The following TMEM116 variants were observed in gnomAD, a reference collection of about 807,000 sequenced individuals.
The protein encoded by TMEM116 is transmembrane protein 116.
Under a neutral mutation model 44.3 loss-of-function variants are expected in TMEM116, and 38 were observed. That is an observed-to-expected ratio of 0.86 (90% CI 0.66 to 1.12). The LOEUF (loss-of-function observed/expected upper bound fraction) is 1.12. Among genes scored for constraint, TMEM116 ranks in the 50% most tolerant of loss-of-function variants. TMEM116 has a pLI of 0.00. For synonymous variants in TMEM116, 132 were observed against 144.8 expected (o/e 0.91, Z 0.64); for missense variants, 354 against 401.7 (o/e 0.88, Z 1.01).
chr12:111,933,190 G>A (rs1388722167), intron 9 of TMEM116, among the ~76,000 whole-genome samples: 1 of 149,904 alleles, frequency 6.7e-6, no homozygotes, highest in Non-Finnish European at 1.5e-5. Flanking sequence ...GTAGTGAGCT[G>A]AGATTGCACC....
chr12:111,994,386 G>A (rs2076810457), intron 3 of TMEM116, among the ~76,000 whole-genome samples: 1 of 152,218 alleles, frequency 6.6e-6, no homozygotes. Context: ...TTCCCAGGTG[G>A]ATCGGCAGGT....
chr12:111,981,766 G>A (rs1468624506), intron 4 of TMEM116, among the ~76,000 whole-genome samples: 4 of 152,122 alleles, frequency 2.6e-5, no homozygotes, highest in Non-Finnish European at 4.4e-5. Context: ...TAATAGCCAA[G>A]ATATGCAATC....
At position 111,970,093 on chromosome 12, in the gene TMEM116, C is replaced by T. The variant is rs2075241066; in HGVS notation, c.210+21665G>A. The stretch of plus-strand genomic sequence containing the variant: ...ACCAGCCTGGCCAACATGGTGAAAC[C>T]CCATCTCTATAAAAATAGAAAAATT... On this transcript the variant is annotated intron_variant, in intron 4 of 10. Transcript: ENST00000552374. 3.3e-5 allele frequency among the ~76,000 whole-genome samples: 5 copies of T among 151,430 alleles called. 1 individual carries two copies. The South Asian group carries it at 1.0e-3, about 32-fold the overall frequency.
intron 4 of TMEM116, among the ~76,000 whole-genome samples, chr12:111,963,142 A>G (rs1405078630): frequency 1.3e-5 from 2 of 152,254 alleles, no homozygotes; most frequent in Admixed American, 6.5e-5. Flanking sequence ...AATGGGGATC[A>G]TTAAAAAGTC....
At chr12:111,937,378 A>T in intron 6 of TMEM116, 135 bp from the exon 7 acceptor site, 1 of 696,308 alleles carries the variant, frequency 1.4e-6, no homozygotes, top group South Asian at 1.8e-5. Context: ...AATTTCTTCA[A>T]GAAAAATACC....
intron 3 of TMEM116, among the ~76,000 whole-genome samples, chr12:112,002,723 G>A (rs182563079): frequency 6.6e-6 from 1 of 152,310 alleles, no homozygotes; most frequent in Admixed American, 6.5e-5. Flanking sequence ...GGACCAATGA[G>A]ATAAAGTATG....
intron 5 of TMEM116, among the ~76,000 whole-genome samples, chr12:111,940,476 T>TACACACACACAC (rs1276384412): frequency 2.0e-5 from 2 of 98,800 alleles, no homozygotes; most frequent in African/African-American, 9.5e-5. Flanking sequence ...TATATATATA[T>TACACACACACAC]ACATACACAC....
In TMEM116 at chr12:112,003,872, T is replaced by C. The variant is rs368801955; in HGVS notation, c.15-9A>G. On this transcript the variant is annotated splice_polypyrimidine_tract_variant and intron_variant, in intron 2 of 10. Coordinates refer to ENST00000552374, the MANE Select transcript of TMEM116 (RefSeq NM_001193531.2). ...AACTTGAACCTATAACACTGAGAAATTTAGAAGATGATTGATCATTAAAGC... is the reference window on the plus strand; with the variant it reads ...AACTTGAACCTATAACACTGAGAAACTTAGAAGATGATTGATCATTAAAGC... 10 of 1,493,402 alleles carry C rather than the reference T, an allele frequency of 6.7e-6. No homozygotes were observed. The African/African-American group carries it at 1.4e-4, about 21-fold the overall frequency. 92.5% of individuals were successfully genotyped at this position (1,493,402 alleles called of 1,614,324 possible).
At chr12:111,934,067 G>C in intron 8 of TMEM116, 37 bp from the exon 9 acceptor site, 1 of 1,609,342 alleles carries the variant, frequency 6.2e-7, no homozygotes, top group Non-Finnish European at 8.5e-7. Flanking sequence ...TTTGCTTAAA[G>C]CTTAGTAAAA....
intron 3 of TMEM116, among the ~76,000 whole-genome samples, chr12:111,992,305 T>C (rs2076660226): frequency 6.6e-6 from 1 of 151,640 alleles, no homozygotes; most frequent in Non-Finnish European, 1.5e-5. Flanking sequence ...AGTTTCGCTC[T>C]GTCGCCCAGG....
chr12:111,944,709 A>G (rs1237099713), intron 4 of TMEM116, among the ~76,000 whole-genome samples: 1 of 152,180 alleles, frequency 6.6e-6, no homozygotes, highest in African/African-American at 2.4e-5. Flanking sequence ...TGTATATGGA[A>G]GAGAAAACCA....
At chr12:111,952,047 G>A (rs1347401071) in intron 4 of TMEM116, among the ~76,000 whole-genome samples, 1 of 151,950 alleles carries the variant, frequency 6.6e-6, no homozygotes, top group Non-Finnish European at 1.5e-5. Context: ...TGGCCAACAT[G>A]GTGAAACCCC....
intron 4 of TMEM116, among the ~76,000 whole-genome samples, chr12:111,984,950 C>T (rs1051604992): frequency 4.0e-5 from 6 of 151,536 alleles, no homozygotes; most frequent in Admixed American, 1.3e-4. Flanking sequence ...AACGAAAAAG[C>T]AAAAACAAAA....
chr12:111,940,619 T>C (rs2072736501), intron 5 of TMEM116, among the ~76,000 whole-genome samples: 1 of 144,764 alleles, frequency 6.9e-6, no homozygotes, highest in Non-Finnish European at 1.5e-5. Context: ...AAACCAGTGA[T>C]AGAGTATGGG....
intron 4 of TMEM116, among the ~76,000 whole-genome samples, chr12:111,957,586 C>A (rs866118161): frequency 1.1e-4 from 17 of 151,040 alleles, no homozygotes; most frequent in Middle Eastern, 3.3e-3. Context: ...TGGGGGCCAG[C>A]CCCCGCCCGG....
intron 3 of TMEM116, among the ~76,000 whole-genome samples, chr12:112,002,781 A>C (rs1230826853): frequency 1.3e-5 from 2 of 152,198 alleles, no homozygotes; most frequent in Admixed American, 6.5e-5. Context: ...AACATACAGA[A>C]GTTATTTTTA....
chr12:111,975,834 C>T (rs2075637091), intron 4 of TMEM116, among the ~76,000 whole-genome samples: 1 of 151,936 alleles, frequency 6.6e-6, no homozygotes, highest in African/African-American at 2.4e-5. Context: ...GGTCACAGCC[C>T]AAGAGCTCAG....
At chr12:111,963,411 T>C (rs2074748003) in intron 4 of TMEM116, among the ~76,000 whole-genome samples, 1 of 152,178 alleles carries the variant, frequency 6.6e-6, no homozygotes, top group South Asian at 2.1e-4. Context: ...TAGCAAAGCC[T>C]TGGAACCAAC....
In TMEM116 at chr12:111,958,692, G is replaced by A. The variant is rs186210539; in HGVS notation, c.211-15323C>T. On this transcript the variant is annotated intron_variant, in intron 4 of 10. Transcript: ENST00000552374. ...CTGAAAAACACAGCACAAGAACTTC[G>A]TGAAACATACACAAGTATCAATAGC... Among the ~76,000 whole-genome samples the A allele has an allele frequency of 3.9e-3, 600 of 152,156 alleles. 27 individuals carry two copies. The highest frequency in any genetic ancestry group is 0.034 in the Admixed American group (522 of 15,278).
Sources: gnomAD v4.1 joint callset for allele counts (sites outside exome capture counted in the v4.1 genomes callset) on GRCh38, gnomAD v4.1.1 for gene constraint, MANE v1.5 for transcripts, NCBI Gene and HGNC (gene_info 2026-07-23, HGNC 2026-07-21) for gene names.